Variants in ACACB observed in about 807,000 individuals in gnomAD.
The protein encoded by ACACB is acetyl-CoA carboxylase 2.
ACACB carries 209 observed loss-of-function variants against 278.8 expected under a neutral mutation model. The observed-to-expected ratio is 0.75, with a 90% CI of 0.67 to 0.84. ACACB has a LOEUF of 0.84. Among genes scored for constraint, ACACB ranks in the 40% least tolerant of loss-of-function variants. The pLI, the probability that ACACB is intolerant of heterozygous loss-of-function variation, is 0.00. For missense variants in ACACB, 2,850 were observed against 3,269.0 expected, an observed-to-expected ratio of 0.87 and a Z score of 3.13; for synonymous variants, 1,174 against 1,285.6, an observed-to-expected ratio of 0.91 and a Z score of 1.86.
In ACACB at chr12:109,159,124, G is replaced by T. The variant is rs564357516; in HGVS notation, c.654-7737G>T. On this transcript the variant is annotated intron_variant, in intron 2 of 52. Transcript: ENST00000338432. ...GGCCTAGCCAAGGTAGTCATCCCAG[G>T]GGGTACTGATGGGGCAGGTGGCTTG... 3.3e-5 allele frequency among the ~76,000 whole-genome samples: 5 copies of T among 152,334 alleles called. No individual in the cohort carries two copies. In the South Asian group the frequency reaches 8.3e-4, roughly 25 times the overall value.
intron 20 of ACACB, 131 bp from the exon 21 acceptor site, chr12:109,209,034 C>G (rs914824511): frequency 2.9e-6 from 3 of 1,022,506 alleles, no homozygotes; most frequent in Non-Finnish European, 4.2e-6. Flanking sequence ...CCAGAGGCTG[C>G]TGGGTCTGGA....
At chr12:109,200,490 T>C (rs2045299403) in intron 18 of ACACB, among the ~76,000 whole-genome samples, 1 of 152,174 alleles carries the variant, frequency 6.6e-6, no homozygotes, top group South Asian at 2.1e-4. Flanking sequence ...AGCCAAGAAT[T>C]GATTGATAAT....
intron 11 of ACACB, among the ~76,000 whole-genome samples, chr12:109,180,944 C>T (rs1457841207): frequency 6.6e-6 from 1 of 152,076 alleles, no homozygotes; most frequent in Non-Finnish European, 1.5e-5. Context: ...TACATTTTTG[C>T]GCCCATTAAT....
At chr12:109,192,984 G>C (rs1163282841) in intron 15 of ACACB, among the ~76,000 whole-genome samples, 1 of 152,156 alleles carries the variant, frequency 6.6e-6, no homozygotes, top group Admixed American at 6.5e-5. Flanking sequence ...TTTAGTGTTT[G>C]GTTATGCTTT....
intron 2 of ACACB, among the ~76,000 whole-genome samples, chr12:109,152,640 C>CTTTTTTTTTTTTTTTTTTTTT (rs34863094): frequency 1.3e-5 from 1 of 74,840 alleles, no homozygotes; most frequent in Non-Finnish European, 2.5e-5. Context: ...TTCTTTCTTT[C>CTTTTTTTTTTTTTTTTTTTTT]TTTTTTTTTT....
chr12:109,116,087 A>C (rs150317630), upstream of ACACB, among the ~76,000 whole-genome samples: 460 of 152,328 alleles, frequency 3.0e-3, 4 homozygotes, highest in African/African-American at 9.9e-3. Context: ...GTCAACCCTG[A>C]ATGAGAATGT....
intron 24 of ACACB, among the ~76,000 whole-genome samples, chr12:109,219,842 A>G (rs963340924): frequency 2.0e-5 from 3 of 152,218 alleles, no homozygotes; most frequent in Admixed American, 2.0e-4. Context: ...GGACTCTCCA[A>G]GTGATTGCAA....
At chr12:109,193,585 A>C (rs1198195820) in intron 15 of ACACB, 63 bp from the exon 16 acceptor site, 19 of 1,330,554 alleles carry the variant, frequency 1.4e-5, no homozygotes, top group Non-Finnish European at 1.9e-5. Context: ...TTTAAATGCA[A>C]GGGATGGCTG....
intron 40 of ACACB, chr12:109,249,729 T>C (rs2047043676): frequency 3.4e-6 from 1 of 290,652 alleles, no homozygotes; most frequent in African/African-American, 2.2e-5. Flanking sequence ...TGACCTCAAG[T>C]AATCTGCCCG....
At chr12:109,234,148 C>T in intron 31 of ACACB, 103 bp downstream of exon 31, 2 of 928,124 alleles carry the variant, frequency 2.2e-6, no homozygotes, top group South Asian at 1.5e-5. Context: ...CTGAGTACTT[C>T]AGAGCCACAG....
intron 49 of ACACB, chr12:109,263,480 A>G (rs544677875): frequency 6.6e-6 from 1 of 152,264 alleles, no homozygotes; most frequent in African/African-American, 2.4e-5. Flanking sequence ...TCTGGCCACA[A>G]GATGATATTT....
intron 24 of ACACB, among the ~76,000 whole-genome samples, chr12:109,217,402 C>G (rs941555553): frequency 1.4e-4 from 21 of 152,182 alleles, no homozygotes; most frequent in South Asian, 4.1e-4. Context: ...ATGGGCATGG[C>G]TGTGTTCCCA....
At chr12:109,186,077 C>T (rs2044652988) in intron 12 of ACACB, among the ~76,000 whole-genome samples, 1 of 151,960 alleles carries the variant, frequency 6.6e-6, no homozygotes, top group Non-Finnish European at 1.5e-5. Context: ...ATTACAGGCG[C>T]CCGCCACCAC....
chr12:109,228,254 C>T (rs189804446), intron 28 of ACACB, among the ~76,000 whole-genome samples: 3 of 147,944 alleles, frequency 2.0e-5, no homozygotes, highest in South Asian at 2.2e-4. Flanking sequence ...GAGAACTGCT[C>T]GAACCCGGGA....
intron 1 of ACACB, chr12:109,125,563 T>C (rs1456516057): frequency 1.3e-5 from 2 of 152,202 alleles, no homozygotes; most frequent in Non-Finnish European, 2.9e-5. Flanking sequence ...CCAAGTGAGA[T>C]ATAACAGTGG....
chr12:109,173,743 C>G (rs1437305541), intron 6 of ACACB, among the ~76,000 whole-genome samples: 1 of 152,214 alleles, frequency 6.6e-6, no homozygotes, highest in African/African-American at 2.4e-5. Flanking sequence ...CCTGCAGGCT[C>G]GCACAACTGA....
At position 109,179,265 on chromosome 12, in the gene ACACB, G is replaced by GC. The variant is rs776643143; in HGVS notation, c.1619dup (p.Leu541AlafsTer31). The GC allele has an allele frequency of 6.2e-7, 1 of 1,613,590 alleles. No homozygotes were observed. Among genetic ancestry groups the GC allele is most frequent in the South Asian group, 1.1e-5 (1 of 91,044 alleles). On this transcript the variant is annotated frameshift_variant, in exon 10 of 53. Coordinates refer to ENST00000338432, the MANE Select transcript of ACACB (RefSeq NM_001093.4). LOFTEE classifies it high-confidence loss of function. ...CGTTGAGGAAGCACCGGCCACCATC[G>GC]CCCCGCTGGCCATATTCGAGTTCAT...
chr12:109,256,757 T>C lies in ACACB; in HGVS notation c.6263+521T>C, dbSNP rs148788206. Among the ~76,000 whole-genome samples, 64 of 152,316 alleles carry C rather than the reference T, an allele frequency of 4.2e-4. No homozygotes were observed. The East Asian group carries it at 0.011, about 27-fold the overall frequency. ...CATTTACCACTCATTCCTGGTACGA[T>C]GTCGCAGCTATAAGTCCAGGCTCTG... is the stretch of plus-strand genomic sequence containing the variant. On this transcript the variant is annotated intron_variant, in intron 45 of 52. Coordinates refer to ENST00000338432, the MANE Select transcript of ACACB (RefSeq NM_001093.4).
intron 47 of ACACB, among the ~76,000 whole-genome samples, chr12:109,259,593 A>AC (rs1555236122): frequency 6.6e-6 from 1 of 151,416 alleles, no homozygotes; most frequent in Non-Finnish European, 1.5e-5. Context: ...CAAAAAAAAA[A>AC]CAATGAGGAA....
Sources: allele counts gnomAD v4.1 joint callset (sites outside exome capture counted in the v4.1 genomes callset), GRCh38; gene constraint gnomAD v4.1.1; transcripts MANE v1.5; gene names NCBI Gene and HGNC (gene_info 2026-07-23, HGNC 2026-07-21).